NXN: variants seen among roughly 807,000 people sequenced by gnomAD.
NXN encodes the protein nucleoredoxin 1.
In NXN, 16 loss-of-function variants were observed where a neutral mutation model predicts 48.6. The ratio of observed to expected loss-of-function variants is 0.33; its 90% CI spans 0.22 to 0.50. NXN has a LOEUF of 0.50. Among genes scored for constraint, NXN ranks in the 20% least tolerant of loss-of-function variants. The pLI is 0.98. For synonymous variants in NXN, 281 were observed against 269.6 expected (o/e 1.04, Z -0.41); for missense variants, 492 against 605.5 (o/e 0.81, Z 1.97).
At chr17:807,323 C>T (rs1452939108) in intron 5 of NXN, among the ~76,000 whole-genome samples, 2 of 152,248 alleles carry the variant, frequency 1.3e-5, no homozygotes, top group African/African-American at 4.8e-5. Context: ...ACCAGAGCCC[C>T]TGCTGCTGTG....
chr17:873,161 G>A (rs56146140), intron 1 of NXN, among the ~76,000 whole-genome samples: 1 of 151,948 alleles, frequency 6.6e-6, no homozygotes, highest in South Asian at 2.1e-4. Context: ...GCAGCTCTTG[G>A]GGCTTCTTAG....
intron 1 of NXN, among the ~76,000 whole-genome samples, chr17:899,814 C>T (rs2144894526): frequency 6.6e-6 from 1 of 152,196 alleles, no homozygotes; most frequent in Middle Eastern, 3.4e-3. Flanking sequence ...AGCCTGAGCC[C>T]AGGAGTTCGA....
At position 808,878 on chromosome 17, in the gene NXN, T is replaced by G. The variant is rs533555815; in HGVS notation, c.821-3631A>C. On this transcript the variant is annotated intron_variant, in intron 5 of 7. Coordinates refer to ENST00000336868, the MANE Select transcript of NXN (RefSeq NM_022463.5). ...TTTTAGTAGAGACGGGGTTTCACCA[T>G]GTTGGCCAAGCTGGTCTCAAACTCC... 1.6e-4 allele frequency among the ~76,000 whole-genome samples: 24 copies of G among 151,982 alleles called. No individual in the cohort carries two copies. The South Asian group carries it at 5.0e-3, about 32-fold the overall frequency.
intron 1 of NXN, among the ~76,000 whole-genome samples, chr17:836,787 A>G (rs1913847553): frequency 6.6e-6 from 1 of 152,168 alleles, no homozygotes; most frequent in East Asian, 1.9e-4. Context: ...TAGGTATGAA[A>G]TAAGTGTTAG....
At chr17:923,643 A>G (rs540957007) in intron 1 of NXN, among the ~76,000 whole-genome samples, 13 of 152,402 alleles carry the variant, frequency 8.5e-5, no homozygotes, top group African/African-American at 3.1e-4. Flanking sequence ...AACGTGCAGG[A>G]CACTGCGTCC....
chr17:804,713 C>T (rs1439659551), intron 6 of NXN, among the ~76,000 whole-genome samples: 1 of 152,230 alleles, frequency 6.6e-6, no homozygotes, highest in Non-Finnish European at 1.5e-5. Flanking sequence ...GCAGAAGCAG[C>T]CTTGGTGAGC....
chr17:934,913 A>G (rs551753722), intron 1 of NXN, among the ~76,000 whole-genome samples: 1 of 152,248 alleles, frequency 6.6e-6, no homozygotes, highest in Admixed American at 6.5e-5. Flanking sequence ...CCCAGTCCCA[A>G]GCGGACTGTC....
chr17:914,824 G>A (rs2068670487), intron 1 of NXN, among the ~76,000 whole-genome samples: 1 of 152,190 alleles, frequency 6.6e-6, no homozygotes, highest in African/African-American at 2.4e-5. Flanking sequence ...TTCCCCTGGA[G>A]GAGCTGATGA....
intron 1 of NXN, among the ~76,000 whole-genome samples, chr17:845,542 A>T (rs999914458): frequency 6.6e-6 from 1 of 152,222 alleles, no homozygotes; most frequent in Non-Finnish European, 1.5e-5. Context: ...CCTCTCCCTC[A>T]TAAGACGAGG....
chr17:963,460 G>A (rs561646837), intron 1 of NXN, among the ~76,000 whole-genome samples: 279 of 152,070 alleles, frequency 1.8e-3, no homozygotes, highest in African/African-American at 6.3e-3. Flanking sequence ...ACATCAGTCC[G>A]GTGTGGTGGG....
intron 1 of NXN, among the ~76,000 whole-genome samples, chr17:844,025 C>A (rs898488504): frequency 1.3e-5 from 2 of 152,256 alleles, no homozygotes; most frequent in African/African-American, 4.8e-5. Context: ...CACGCCTGTC[C>A]AGGCCATCAT....
chr17:948,736 CTGAGAGCAG>C (rs1226363195), intron 1 of NXN, among the ~76,000 whole-genome samples: 1 of 151,916 alleles, frequency 6.6e-6, no homozygotes, highest in Non-Finnish European at 1.5e-5. Flanking sequence ...CGCTCGGAGG[CTGAGAGCAG>C]CATTCTCAGA....
At chr17:959,719 G>A (rs541273936) in intron 1 of NXN, among the ~76,000 whole-genome samples, 3 of 151,802 alleles carry the variant, frequency 2.0e-5, no homozygotes, top group East Asian at 3.9e-4. Flanking sequence ...ATTTAAACCC[G>A]GGAGGTGAAG....
intron 5 of NXN, among the ~76,000 whole-genome samples, chr17:811,519 G>A (rs1912008297): frequency 6.6e-6 from 1 of 151,370 alleles, no homozygotes; most frequent in African/African-American, 2.4e-5. Flanking sequence ...TGGGGGGGGG[G>A]CAGCACTCTG....
At chr17:822,139 C>T (rs180961877) in intron 4 of NXN, among the ~76,000 whole-genome samples, 2 of 151,954 alleles carry the variant, frequency 1.3e-5, no homozygotes, top group East Asian at 1.9e-4. Context: ...ATTAGCCGGG[C>T]ATGGTGGCGG....
At chr17:868,181 C>T (rs1284063286) in intron 1 of NXN, among the ~76,000 whole-genome samples, 1 of 152,190 alleles carries the variant, frequency 6.6e-6, no homozygotes, top group African/African-American at 2.4e-5. Flanking sequence ...CCAGAACTCA[C>T]CTCTCCTCTG....
chr17:959,309 G>A (rs2069207890), intron 1 of NXN: 1 of 314,460 alleles, frequency 3.2e-6, no homozygotes, highest in Non-Finnish European at 5.8e-6. Context: ...CAGCTCTGTA[G>A]GCCCCTCCCA....
chr17:864,609 C>T lies in NXN; in HGVS notation c.361-38531G>A, dbSNP rs186957394. 3.7e-4 allele frequency among the ~76,000 whole-genome samples: 57 copies of T among 152,274 alleles called. 1 individual carries two copies. Among genetic ancestry groups the T allele is most frequent in the Admixed American group, 1.5e-3 (23 of 15,286 alleles). On this transcript the variant is annotated intron_variant, in intron 1 of 7. Transcript: ENST00000336868. The stretch of plus-strand genomic sequence containing the variant: ...GCAGGAACTTGCCCTGCATTTCCTC[C>T]CTCTCCAGATAATTCTCTGGTCTAA...
rs958104990 is a variant in NXN at position 958,259 on chromosome 17, G to A, written c.360+21060C>T. On this transcript the variant is annotated intron_variant, in intron 1 of 7. Transcript: ENST00000336868. This position sits in a 1 kb window ranked among gnomAD's most constrained non-coding sequence, Gnocchi z 6.9. ...AGCTTGTCCCTTCCCCGGTGCCTCT[G>A]CCCAACAAGACATGACGGTGAGCAA... 1.3e-5 allele frequency among the ~76,000 whole-genome samples: 2 copies of A among 152,160 alleles called. No individual in the cohort carries two copies. Among genetic ancestry groups the A allele is most frequent in the Non-Finnish European group, 2.9e-5 (2 of 68,042 alleles).
Sources: gnomAD v4.1 joint callset for allele counts (sites outside exome capture counted in the v4.1 genomes callset) on GRCh38, gnomAD v4.1.1 for gene constraint, Gnocchi (gnomAD v3.1) non-coding constraint, MANE v1.5 for transcripts, NCBI Gene and HGNC (gene_info 2026-07-23, HGNC 2026-07-21) for gene names.